GLB1L: variants seen among roughly 807,000 people sequenced by gnomAD.
GLB1L encodes the protein galactosidase beta 1 like, also known as beta-galactosidase-1-like protein.
A neutral mutation model predicts 75.7 loss-of-function variants in GLB1L; 58 were observed. The ratio of observed to expected loss-of-function variants is 0.77; its 90% CI spans 0.62 to 0.95. GLB1L has a LOEUF of 0.95. GLB1L is among the 40% of genes least tolerant of loss of function. The pLI is 0.00. For synonymous variants in GLB1L, 296 were observed against 303.0 expected, an observed-to-expected ratio of 0.98 and a Z score of 0.24; for missense variants, 797 against 805.5, an observed-to-expected ratio of 0.99 and a Z score of 0.13.
Position 219,237,226 on chromosome 2 carries a change from A to AG in GLB1L, c.1810_1811insC (p.Leu604SerfsTer18). On this transcript the variant is annotated frameshift_variant, in exon 17 of 17. Transcript: ENST00000295759. LOFTEE classifies it high-confidence loss of function. ...GAGAGGTACATCTTCTAGTTCCAGCAATGTAATTTTGTTGAGGGCTCCCCT... is the reference window on the plus strand; with the variant it reads ...GAGAGGTACATCTTCTAGTTCCAGCAGATGTAATTTTGTTGAGGGCTCCCCT... 1 of 1,614,224 alleles carries AG rather than the reference A, an allele frequency of 6.2e-7. No homozygotes were observed. Among genetic ancestry groups the AG allele is most frequent in the Non-Finnish European group, 8.5e-7 (1 of 1,180,040 alleles).
At position 219,237,695 on chromosome 2, in the gene GLB1L, T is replaced by C. The variant is rs1423222504; in HGVS notation, c.1506A>G (p.Thr502=). 1 of 1,614,088 alleles carries C rather than the reference T, an allele frequency of 6.2e-7. No homozygotes were observed. Among genetic ancestry groups the C allele is most frequent in the East Asian group, 2.2e-5 (1 of 44,906 alleles). The part of the protein sequence containing the change: ...GLLKPPILGQ[T]ILTQWMMFPL... ...GGAACATCATCCACTGGGTAAGGAT[T>C]GTTTGCCCCAGAATTGGTGGCTTCA... The change falls in exon 16 of 17, where the codon ACA becomes ACG. Residue 502 remains threonine, a synonymous_variant. Transcript: ENST00000295759.
At chr2:219,243,430 G>C in intron 2 of GLB1L, 72 bp downstream of exon 2, 1 of 1,600,676 alleles carries the variant, frequency 6.2e-7, no homozygotes. Context: ...TTGTTACTTT[G>C]GACTTTCTCT....
Position 219,239,674 on chromosome 2 carries a change from A to G in GLB1L, c.789T>C (p.Ser263=), listed in dbSNP as rs143841404. The G allele has an allele frequency of 8.7e-5, 140 of 1,614,030 alleles. No individual in the cohort carries two copies. The highest frequency in any genetic ancestry group is 3.3e-4 in the Middle Eastern group (2 of 6,084). Residue 263 remains serine (S), a synonymous_variant, in exon 9 of 17, where the codon TCT becomes TCC. Coordinates refer to ENST00000295759, the MANE Select transcript of GLB1L (RefSeq NM_001286423.2). ...AATCCAGCCAGCCTGTGTAGTACTCAGAGTTTACCTAGAGTGTGAAATGAA... is the reference window on the plus strand; with the variant it reads ...AATCCAGCCAGCCTGTGTAGTACTCGGAGTTTACCTAGAGTGTGAAATGAA... The part of the protein sequence containing the change: ...KYEPHGPLVN[S]EYYTGWLDYW...
At chr2:219,243,467 C>A (rs780831174) in intron 2 of GLB1L, 35 bp downstream of exon 2, 2 of 1,612,220 alleles carry the variant, frequency 1.2e-6, no homozygotes, top group Non-Finnish European at 1.7e-6. Context: ...TCCCGCTCAC[C>A]GCACCCGGCA....
In GLB1L at chr2:219,239,127, G is replaced by A; in HGVS notation, c.1027C>T (p.Pro343Ser). Residue 343 changes from proline (P) to serine (S), a missense_variant, in exon 11 of 17, where the codon CCT becomes TCT. Physicochemically the swap from Pro to Ser is moderately conservative, Grantham distance 74. Coordinates refer to ENST00000295759, the MANE Select transcript of GLB1L (RefSeq NM_001286423.2). ...APISEAGDPTPKLFALRDVIS... is the reference protein window; with the variant it reads ...APISEAGDPTSKLFALRDVIS... ...ACATCTCGAAGAGCAAAAAGCTTAG[G>A]TGTGGGGTCCCCTGCTTCAGATATA... 2 of 1,613,836 alleles carry A rather than the reference G, an allele frequency of 1.2e-6. No individual in the cohort carries two copies. The highest frequency in any genetic ancestry group is 3.3e-5 in the Admixed American group (2 of 60,014).
At position 219,237,103 on chromosome 2, in the gene GLB1L, G is replaced by C. The variant is rs1299416897; in HGVS notation, c.1934C>G (p.Ala645Gly). 15 of 1,611,618 alleles carry C rather than the reference G, an allele frequency of 9.3e-6. No individual in the cohort carries two copies. Among genetic ancestry groups the C allele is most frequent in the Non-Finnish European group, 1.2e-5 (14 of 1,177,822 alleles). Residue 645 changes from alanine to glycine, a missense_variant, in exon 17 of 17, where the codon GCC becomes GGC. By Grantham distance (60) the Ala-to-Gly change is moderately conservative. Transcript: ENST00000295759. The part of the protein sequence containing the change: ...INSLSADTLS[A>G]SEPMELSGH ...CCCACTTAACTCCATTGGTTCAGAGGCACTCAGTGTATCAGCTGAAAGGGA... is the reference window on the plus strand; with the variant it reads ...CCCACTTAACTCCATTGGTTCAGAGCCACTCAGTGTATCAGCTGAAAGGGA...
intron 3 of GLB1L, 57 bp from the exon 4 acceptor site, chr2:219,242,975 CG>C (rs1203686673): frequency 1.9e-6 from 3 of 1,602,306 alleles, no homozygotes; most frequent in African/African-American, 1.3e-5. Flanking sequence ...GGAGGCCTAA[CG>C]GCTCAGGCCT....
chr2:219,238,406 A>G (rs764509553), intron 13 of GLB1L, 43 bp from the exon 14 acceptor site: 2 of 1,560,414 alleles, frequency 1.3e-6, no homozygotes, highest in African/African-American at 2.7e-5. Context: ...CAGAAATAAA[A>G]GAGGACACTG....
Position 219,236,681 on chromosome 2 carries a change from T to A in GLB1L, c.*391A>T. 1 of 551,970 alleles carries A rather than the reference T, an allele frequency of 1.8e-6. No homozygotes were observed. 34.2% of individuals were successfully genotyped at this position (551,970 alleles called of 1,614,324 possible). On this transcript the variant is annotated 3_prime_UTR_variant, in exon 17 of 17. Coordinates refer to ENST00000295759, the MANE Select transcript of GLB1L (RefSeq NM_001286423.2). ...TACTTGTACTTACATTCAGAGGCAC[T>A]GTGGCCTTTAGTTCCTTAGGGTCAC... is the stretch of plus-strand genomic sequence containing the variant.
intron 11 of GLB1L, 86 bp from the exon 12 acceptor site, chr2:219,238,865 G>C (rs1252673891): frequency 8.1e-7 from 1 of 1,229,052 alleles, no homozygotes; most frequent in Non-Finnish European, 1.2e-6. Flanking sequence ...TCCTAACCTG[G>C]GGCCCAGGGA....
chr2:219,237,264 G>A lies in GLB1L; in HGVS notation c.1773C>T (p.Phe591=). The change falls in exon 17 of 17, where the codon TTC becomes TTT. Residue 591 remains phenylalanine (F), a synonymous_variant. Transcript: ENST00000295759. Reference sequence around the variant, plus strand: ...TGAGGGCTCCCCTAGGAAACAGCAGGAATCTTGGCACGTAGAGGGTCTGTT... The same window carrying A: ...TGAGGGCTCCCCTAGGAAACAGCAGAAATCTTGGCACGTAGAGGGTCTGTT... ...GPQQTLYVPR[F]LLFPRGALNK... 1 of 1,614,188 alleles carries A rather than the reference G, an allele frequency of 6.2e-7. No homozygotes were observed. Among genetic ancestry groups the A allele is most frequent in the Non-Finnish European group, 8.5e-7 (1 of 1,180,028 alleles).
Position 219,237,188 on chromosome 2 carries a change from G to A in GLB1L, c.1849C>T (p.Gln617Ter), listed in dbSNP as rs938998546. 3 of 1,614,162 alleles carry A rather than the reference G, an allele frequency of 1.9e-6. No homozygotes were observed. Among genetic ancestry groups the A allele is most frequent in the Non-Finnish European group, 2.5e-6 (3 of 1,180,034 alleles). The change falls in exon 17 of 17, where the codon CAA (glutamine) becomes TAA (stop). Residue 617 changes from glutamine (Q) to a stop codon, truncating the protein, a stop_gained. Transcript: ENST00000295759. LOFTEE classifies it low-confidence loss of function (END_TRUNC). ...LEDVPLQPQV[Q>*]FLDKPILNST... ...TTGAGGATAGGCTTATCCAAAAATTGGACTTGGGGCTGGAGAGGTACATCT... is the reference window on the plus strand; with the variant it reads ...TTGAGGATAGGCTTATCCAAAAATTAGACTTGGGGCTGGAGAGGTACATCT...
chr2:219,238,626 T>G (rs756906872), intron 12 of GLB1L, 42 bp from the exon 13 acceptor site: 1 of 1,603,630 alleles, frequency 6.2e-7, no homozygotes, highest in South Asian at 1.1e-5. Flanking sequence ...CAGGGAAGTT[T>G]CTGGATAGAG....
Position 219,239,452 on chromosome 2 carries a change from C to G in GLB1L, c.903-1G>C. 6.2e-7 allele frequency: 1 copy of G among 1,608,784 alleles called. No individual in the cohort carries two copies. The highest frequency in any genetic ancestry group is 8.5e-7 in the Non-Finnish European group (1 of 1,176,990). On this transcript the variant is annotated splice_acceptor_variant, in intron 9 of 16. Coordinates refer to ENST00000295759, the MANE Select transcript of GLB1L (RefSeq NM_001286423.2). LOFTEE classifies it high-confidence loss of function. The stretch of plus-strand genomic sequence containing the variant: ...GTTGGTACCTCCATGGAACATGTAC[C>G]TGAAGTGAGAGAGGGTGGGGGAACA...
At chr2:219,242,475 C>T (rs2125058729) in intron 5 of GLB1L, 39 bp downstream of exon 5, 2 of 1,492,544 alleles carry the variant, frequency 1.3e-6, no homozygotes, top group South Asian at 1.1e-5. Context: ...GCCCATTTTA[C>T]TTACTTGCTT....
rs1450217526 is a variant in GLB1L at position 219,240,173 on chromosome 2, G to A, written c.546+18C>T. 3.1e-6 allele frequency: 5 copies of A among 1,613,270 alleles called. No homozygotes were observed. The South Asian group carries it at 4.4e-5, about 14-fold the overall frequency. On this transcript the variant is annotated intron_variant, in intron 6 of 16. Transcript: ENST00000295759. ...CCTTGTACCTTCTTCCCCTGCTCCA[G>A]TCACTTCCCCCTTGTACCTGAATGC...
rs775392379 is a variant in GLB1L, at chr2:219,237,910, C to G, written c.1389G>C (p.Leu463Phe). The G allele has an allele frequency of 3.1e-5, 50 of 1,614,006 alleles. No homozygotes were observed. Among genetic ancestry groups the G allele is most frequent in the Non-Finnish European group, 4.2e-5 (49 of 1,180,024 alleles). ...VERNMRDKLFLTGKLGSKLDI... is the reference protein window; with the variant it reads ...VERNMRDKLFFTGKLGSKLDI... Reference sequence around the variant, plus strand: ...CCAGTTTGGACCCCAGTTTCCCCGTCAAAAATAGTTTGTCTCTCATATTTC... The same window carrying G: ...CCAGTTTGGACCCCAGTTTCCCCGTGAAAAATAGTTTGTCTCTCATATTTC... The change falls in exon 15 of 17, where the codon TTG becomes TTC. Residue 463 changes from leucine (L) to phenylalanine (F), a missense_variant. Transcript: ENST00000295759.
Position 219,242,893 on chromosome 2 carries a change from G to A in GLB1L, c.265C>T (p.Pro89Ser), listed in dbSNP as rs1436829360. 11 of 1,614,206 alleles carry A rather than the reference G, an allele frequency of 6.8e-6. No homozygotes were observed. Among genetic ancestry groups the A allele is most frequent in the Non-Finnish European group, 9.3e-6 (11 of 1,180,022 alleles). ...QFYVPWNYHE[P>S]QPGVYNFNGS... Reference sequence around the variant, plus strand: ...TTAAAGTTATAGACCCCAGGCTGTGGCTCGTGGTAGTTCCAGGGCACATAA... The same window carrying A: ...TTAAAGTTATAGACCCCAGGCTGTGACTCGTGGTAGTTCCAGGGCACATAA... Residue 89 changes from proline (P) to serine (S), a missense_variant, in exon 4 of 17, where the codon CCA becomes TCA. By Grantham distance (74) the Pro-to-Ser change is moderately conservative (BLOSUM62 -1). Coordinates refer to ENST00000295759, the MANE Select transcript of GLB1L (RefSeq NM_001286423.2).
intron 4 of GLB1L, 81 bp downstream of exon 4, chr2:219,242,687 G>A (rs1951420640): frequency 2.6e-6 from 4 of 1,537,276 alleles, no homozygotes; most frequent in Non-Finnish European, 3.6e-6. Context: ...TGCTGGAGAT[G>A]GCCCTAGAGT....
Sources: gnomAD v4.1 joint callset for allele counts on GRCh38, gnomAD v4.1.1 for gene constraint, MANE v1.5 for transcripts, NCBI Gene and HGNC (gene_info 2026-07-23, HGNC 2026-07-21) for gene names.